The following ABCB11 variants were observed in gnomAD, a reference collection of about 807,000 sequenced individuals.
ABCB11 encodes bile salt export pump.
A neutral mutation model predicts 148.0 loss-of-function variants in ABCB11; 95 were observed. The observed-to-expected ratio is 0.64, with a 90% CI of 0.54 to 0.76. ABCB11 has a LOEUF of 0.76. Ranked by LOEUF, ABCB11 falls within the 30% of genes least tolerant of loss-of-function variation. The probability of loss-of-function intolerance (pLI) is 0.00; values close to 1 mark genes in which losing one functional copy is unlikely to be tolerated. For synonymous variants in ABCB11, 591 were observed against 555.4 expected, an observed-to-expected ratio of 1.06 and a Z score of -0.90; for missense variants, 1,523 against 1,617.8, an observed-to-expected ratio of 0.94 and a Z score of 1.01.
In ABCB11 at chr2:168,922,364, G is replaced by C. The variant is rs1461076891; in HGVS notation, c.*1258C>G. ...AGAGGGAGTATGCAGTTTCTCGCTGGAACTGGGGAAAGGCAGCCATCCTGC... is the reference window on the plus strand; with the variant it reads ...AGAGGGAGTATGCAGTTTCTCGCTGCAACTGGGGAAAGGCAGCCATCCTGC... On this transcript the variant is annotated 3_prime_UTR_variant, in exon 28 of 28. Transcript: ENST00000650372. Among the ~76,000 whole-genome samples, 1 of 152,142 alleles carries C rather than the reference G, an allele frequency of 6.6e-6. No individual in the cohort carries two copies. The highest frequency in any genetic ancestry group is 1.5e-5 in the Non-Finnish European group (1 of 68,042).
intron 10 of ABCB11, among the ~76,000 whole-genome samples, chr2:168,983,682 A>C (rs982148304): frequency 1.3e-5 from 2 of 152,274 alleles, no homozygotes; most frequent in South Asian, 4.1e-4. Context: ...AATCACTTCC[A>C]TTTGCAAATC....
chr2:168,926,314 A>G (rs956628661), intron 26 of ABCB11, among the ~76,000 whole-genome samples: 3 of 152,216 alleles, frequency 2.0e-5, no homozygotes, highest in Non-Finnish European at 4.4e-5. Flanking sequence ...CACCCACGGT[A>G]CACATTGCCA....
At chr2:168,958,479 C>A (rs966977082) in intron 18 of ABCB11, among the ~76,000 whole-genome samples, 1 of 151,312 alleles carries the variant, frequency 6.6e-6, no homozygotes, top group African/African-American at 2.4e-5. Context: ...GTATTTATAC[C>A]GGTGAGGACT....
At chr2:168,968,710 T>C (rs926144925) in intron 16 of ABCB11, among the ~76,000 whole-genome samples, 1 of 151,536 alleles carries the variant, frequency 6.6e-6, no homozygotes, top group South Asian at 2.1e-4. Flanking sequence ...AACCATACAA[T>C]AGCTTGTTAC....
In ABCB11 at chr2:168,922,754, T is replaced by C. The variant is rs935733799; in HGVS notation, c.*868A>G. Among the ~76,000 whole-genome samples, 5 of 152,212 alleles carry C rather than the reference T, an allele frequency of 3.3e-5. No homozygotes were observed. The highest frequency in any genetic ancestry group is 2.0e-4 in the Admixed American group (3 of 15,280). Reference sequence around the variant, plus strand: ...GCAAATGAGTGCTTTTCTGCCATATTTACTTGCTTTTTTGTATAAAACCTT... The same window carrying C: ...GCAAATGAGTGCTTTTCTGCCATATCTACTTGCTTTTTTGTATAAAACCTT... On this transcript the variant is annotated 3_prime_UTR_variant, in exon 28 of 28. Coordinates refer to ENST00000650372, the MANE Select transcript of ABCB11 (RefSeq NM_003742.4).
chr2:168,947,288 T>A (rs1388016310), intron 19 of ABCB11, among the ~76,000 whole-genome samples: 2 of 151,650 alleles, frequency 1.3e-5, no homozygotes, highest in Non-Finnish European at 2.9e-5. Flanking sequence ...CACCTAAATA[T>A]ATACAGATAG....
chr2:168,997,221 A>T (rs955278502), intron 5 of ABCB11, among the ~76,000 whole-genome samples: 17 of 152,192 alleles, frequency 1.1e-4, no homozygotes, highest in African/African-American at 4.1e-4. Flanking sequence ...TCTTCTAGGA[A>T]TGCTAGCCAG....
chr2:168,950,357 C>G (rs2105921830), intron 19 of ABCB11, among the ~76,000 whole-genome samples: 1 of 151,640 alleles, frequency 6.6e-6, no homozygotes, highest in East Asian at 1.9e-4. Flanking sequence ...GAGAAATCTC[C>G]ATTCTGTTTT....
At chr2:168,976,474 T>C (rs1693910665) in intron 12 of ABCB11, 103 bp downstream of exon 12, 3 of 647,480 alleles carry the variant, frequency 4.6e-6, no homozygotes, top group South Asian at 2.6e-5. Context: ...TCCCTATTAC[T>C]GGAAACAGAG....
intron 18 of ABCB11, among the ~76,000 whole-genome samples, chr2:168,958,401 A>G (rs1236868276): frequency 6.6e-6 from 1 of 151,696 alleles, no homozygotes; most frequent in Non-Finnish European, 1.5e-5. Context: ...ACTCTCAGAG[A>G]GTAATAAATA....
chr2:169,013,525 G>C lies in ABCB11; in HGVS notation c.151-15C>G, dbSNP rs767205211. 29 of 1,602,976 alleles carry C rather than the reference G, an allele frequency of 1.8e-5. No homozygotes were observed. Among genetic ancestry groups the C allele is most frequent in the Non-Finnish European group, 2.4e-5 (28 of 1,171,140 alleles). ...GAAAACCGAAACTTGAAAAACAAAG[G>C]GTTCAGAGATCATCTATGGGTGAAG... On this transcript the variant is annotated splice_polypyrimidine_tract_variant and intron_variant, in intron 4 of 27. Coordinates refer to ENST00000650372, the MANE Select transcript of ABCB11 (RefSeq NM_003742.4).
rs114776339 is a variant in ABCB11, at chr2:168,926,587, T to C, written c.3618+569A>G. Reference sequence around the variant, plus strand: ...ACAAAAAAATTCAACAAAAATAGCATCCATTGCATTGGGCAATACAATACT... The same window carrying C: ...ACAAAAAAATTCAACAAAAATAGCACCCATTGCATTGGGCAATACAATACT... On this transcript the variant is annotated intron_variant, in intron 26 of 27. Coordinates refer to ENST00000650372, the MANE Select transcript of ABCB11 (RefSeq NM_003742.4). Among the ~76,000 whole-genome samples the C allele has an allele frequency of 3.3e-3, 499 of 152,298 alleles. 2 individuals are homozygous for C. The highest frequency in any genetic ancestry group is 9.8e-3 in the African/African-American group (407 of 41,556).
intron 25 of ABCB11, 82 bp downstream of exon 25, chr2:168,930,583 A>G: frequency 4.9e-6 from 6 of 1,216,964 alleles, no homozygotes; most frequent in Non-Finnish European, 6.5e-6. Context: ...TGAGTCTGGC[A>G]AAGCAAAAAC....
intron 5 of ABCB11, among the ~76,000 whole-genome samples, chr2:169,006,518 T>C (rs1695023368): frequency 6.6e-6 from 1 of 151,966 alleles, no homozygotes; most frequent in South Asian, 2.1e-4. Flanking sequence ...CTACTCAACA[T>C]TGTACTGGAG....
chr2:168,940,705 T>A (rs540345102), intron 21 of ABCB11, among the ~76,000 whole-genome samples: 1 of 152,106 alleles, frequency 6.6e-6, no homozygotes, highest in Non-Finnish European at 1.5e-5. Context: ...TGGAGGAAGA[T>A]GCCATCTAGG....
At chr2:168,927,105 C>T in intron 26 of ABCB11, 51 bp downstream of exon 26, 1 of 1,499,792 alleles carries the variant, frequency 6.7e-7, no homozygotes, top group South Asian at 1.1e-5. Context: ...GGTCATTCTA[C>T]TTCTCCCCAT....
intron 1 of ABCB11, among the ~76,000 whole-genome samples, chr2:169,022,219 C>T (rs530769601): frequency 1.7e-4 from 26 of 151,068 alleles, no homozygotes; most frequent in African/African-American, 6.1e-4. Flanking sequence ...AATCAAGAAC[C>T]TAAAAAATGC....
At chr2:169,029,277 T>C (rs1178164466) in intron 1 of ABCB11, among the ~76,000 whole-genome samples, 5 of 120,898 alleles carry the variant, frequency 4.1e-5, no homozygotes, top group African/African-American at 1.6e-4. Flanking sequence ...TTCTTTCTTT[T>C]TTTTTTTTTT....
At position 168,936,540 on chromosome 2, in the gene ABCB11, T is replaced by C. The variant is rs551305185; in HGVS notation, c.2611-107A>G. 3.5e-4 allele frequency: 325 copies of C among 926,008 alleles called. 7 individuals are homozygous for C. In the South Asian group the frequency reaches 4.9e-3, roughly 14 times the overall value. 57.4% of individuals were successfully genotyped at this position (926,008 alleles called of 1,614,324 possible). ...TTATAAAGTTGTGATAAAATATACA[T>C]AACAATATATATCATTTTAACCATT... On this transcript the variant is annotated intron_variant, in intron 21 of 27. Transcript: ENST00000650372.
Sources: allele counts gnomAD v4.1 joint callset (sites outside exome capture counted in the v4.1 genomes callset), GRCh38; gene constraint gnomAD v4.1.1; transcripts MANE v1.5; gene names NCBI Gene and HGNC (gene_info 2026-07-23, HGNC 2026-07-21).